Variants in ST6GAL2 observed in about 807,000 individuals in gnomAD.
ST6GAL2 encodes beta-galactoside alpha-2,6-sialyltransferase 2.
ST6GAL2 carries 24 observed loss-of-function variants against 37.5 expected under a neutral mutation model. The ratio of observed to expected loss-of-function variants is 0.64; its 90% CI spans 0.46 to 0.90. The LOEUF (loss-of-function observed/expected upper bound fraction) is 0.90, where lower values mean the gene tolerates loss of function less well. Among genes scored for constraint, ST6GAL2 ranks in the 40% least tolerant of loss-of-function variants. The pLI is 0.00. For missense variants in ST6GAL2, 715 were observed against 712.7 expected (o/e 1.00, Z -0.04); for synonymous variants, 306 against 295.1 (o/e 1.04, Z -0.38).
At chr2:106,873,719 C>T (rs1678378217) in intron 1 of ST6GAL2, among the ~76,000 whole-genome samples, 1 of 152,210 alleles carries the variant, frequency 6.6e-6, no homozygotes. Flanking sequence ...GTGAGATTCA[C>T]AAGTGGCACA....
chr2:106,811,457 C>A (rs1675607097), intron 5 of ST6GAL2, among the ~76,000 whole-genome samples: 1 of 152,062 alleles, frequency 6.6e-6, no homozygotes, highest in South Asian at 2.1e-4. Flanking sequence ...GAGGCCTCCT[C>A]AATTAAATTC....
At chr2:106,847,567 T>A (rs1340366316) in intron 1 of ST6GAL2, among the ~76,000 whole-genome samples, 1 of 152,148 alleles carries the variant, frequency 6.6e-6, no homozygotes, top group Non-Finnish European at 1.5e-5. Context: ...TGTGTGGATT[T>A]GCATGTAATT....
intron 5 of ST6GAL2, among the ~76,000 whole-genome samples, chr2:106,814,598 G>C (rs1214284547): frequency 6.6e-6 from 1 of 152,162 alleles, no homozygotes; most frequent in Non-Finnish European, 1.5e-5. Flanking sequence ...GTTGGGCAGA[G>C]GCCCTGGCTA....
intron 2 of ST6GAL2, among the ~76,000 whole-genome samples, chr2:106,842,717 G>T (rs1057252695): frequency 6.6e-6 from 1 of 152,112 alleles, no homozygotes; most frequent in African/African-American, 2.4e-5. Context: ...TGAGAAGGAC[G>T]CCGGGGGCAA....
intron 1 of ST6GAL2, among the ~76,000 whole-genome samples, chr2:106,867,670 TTTCA>T (rs1678090670): frequency 6.6e-6 from 1 of 152,170 alleles, no homozygotes. Context: ...AGGTCTAATC[TTTCA>T]GGGCACAGTG....
In ST6GAL2 at chr2:106,803,030, G is replaced by A. The variant is rs1675308829; in HGVS notation, c.*3648C>T. The stretch of plus-strand genomic sequence containing the variant: ...AACGGGACCTACCTAATTAATTCAG[G>A]AGATGTGTTACTGCTCAGAAGAGTC... On this transcript the variant is annotated 3_prime_UTR_variant, in exon 6 of 6. Coordinates refer to ENST00000409382, the MANE Select transcript of ST6GAL2 (RefSeq NM_001142351.2). The A allele has an allele frequency of 6.6e-6, 1 of 152,212 alleles. No homozygotes were observed. The highest frequency in any genetic ancestry group is 1.5e-5 in the Non-Finnish European group (1 of 68,058). The allele number at this position is 152,212 out of a possible 1,614,324, so 9.4% of individuals were successfully genotyped here. A position where few individuals can be genotyped will look rare whatever the true frequency, so the allele number is the denominator to read the frequency against.
intron 1 of ST6GAL2, among the ~76,000 whole-genome samples, chr2:106,847,991 C>T (rs890618842): frequency 1.6e-4 from 24 of 151,698 alleles, no homozygotes; most frequent in African/African-American, 5.3e-4. Context: ...CCCTGGATGC[C>T]GGGCAGCCCA....
chr2:106,850,370 G>A (rs1375735145), intron 1 of ST6GAL2, among the ~76,000 whole-genome samples: 1 of 152,166 alleles, frequency 6.6e-6, no homozygotes, highest in Non-Finnish European at 1.5e-5. Flanking sequence ...ATCTTTAAAG[G>A]AGTATTACAA....
intron 1 of ST6GAL2, among the ~76,000 whole-genome samples, chr2:106,851,494 C>T (rs1052650233): frequency 1.1e-4 from 16 of 152,146 alleles, no homozygotes; most frequent in South Asian, 2.1e-4. Context: ...GAAATGTAAA[C>T]GCTGCCACAG....
In ST6GAL2 at chr2:106,830,148, T is replaced by G. The variant is rs746461895; in HGVS notation, c.1236A>C (p.Lys412Asn). Residue 412 changes from lysine to asparagine, a missense_variant, in exon 5 of 6, where the codon AAA becomes AAC. Lys to Asn is a moderately conservative substitution (Grantham distance 94, BLOSUM62 0). Coordinates refer to ENST00000409382, the MANE Select transcript of ST6GAL2 (RefSeq NM_001142351.2). ...PNQPFYILHP[K>N]FIWQLWDIIQ... ...TAATATCCCAGAGCTGCCATATAAATTTAGGATGAAGAATGTAAAATGGCT... is the reference window on the plus strand; with the variant it reads ...TAATATCCCAGAGCTGCCATATAAAGTTAGGATGAAGAATGTAAAATGGCT... The G allele has an allele frequency of 2.1e-5, 34 of 1,613,824 alleles. No homozygotes were observed. In the African/African-American group the frequency reaches 4.4e-4, roughly 21 times the overall value.
At chr2:106,859,637 G>C (rs1371658898) in intron 1 of ST6GAL2, among the ~76,000 whole-genome samples, 1 of 152,012 alleles carries the variant, frequency 6.6e-6, no homozygotes, top group East Asian at 1.9e-4. Flanking sequence ...AGCAAACCCA[G>C]ATAACCCTAA....
chr2:106,867,805 G>C (rs1678098449), intron 1 of ST6GAL2, among the ~76,000 whole-genome samples: 1 of 152,126 alleles, frequency 6.6e-6, no homozygotes, highest in African/African-American at 2.4e-5. Context: ...AGAAGCAGCA[G>C]ATTAAAATTC....
intron 1 of ST6GAL2, among the ~76,000 whole-genome samples, chr2:106,881,127 AG>A (rs1678732805): frequency 6.6e-6 from 1 of 152,110 alleles, no homozygotes; most frequent in South Asian, 2.1e-4. Context: ...CTGGGACTAC[AG>A]GTGCATGCCC....
intron 2 of ST6GAL2, among the ~76,000 whole-genome samples, chr2:106,841,727 G>A (rs1216069175): frequency 6.6e-6 from 1 of 152,196 alleles, no homozygotes; most frequent in Non-Finnish European, 1.5e-5. Flanking sequence ...GATCCAGCGA[G>A]GAAGGGGAAT....
intron 1 of ST6GAL2, among the ~76,000 whole-genome samples, chr2:106,855,180 G>A (rs1367390644): frequency 1.3e-5 from 2 of 152,174 alleles, no homozygotes; most frequent in Non-Finnish European, 2.9e-5. Context: ...AAGCATGAAC[G>A]AAAGGATACT....
intron 5 of ST6GAL2, 52 bp downstream of exon 5, chr2:106,830,014 G>T: frequency 6.7e-7 from 1 of 1,502,848 alleles, no homozygotes. Flanking sequence ...TTAAATATTA[G>T]ATATCATCCT....
chr2:106,809,339 C>A (rs1675529106), intron 5 of ST6GAL2, among the ~76,000 whole-genome samples: 1 of 152,222 alleles, frequency 6.6e-6, no homozygotes, highest in Non-Finnish European at 1.5e-5. Flanking sequence ...GTGTCTTTTA[C>A]ACAAAGTCAC....
At chr2:106,842,244 T>C (rs1676914847) in intron 2 of ST6GAL2, among the ~76,000 whole-genome samples, 1 of 152,196 alleles carries the variant, frequency 6.6e-6, no homozygotes, top group Admixed American at 6.5e-5. Context: ...CATATCCTCC[T>C]GGTGTGAGTC....
intron 1 of ST6GAL2, among the ~76,000 whole-genome samples, chr2:106,870,741 C>T (rs899523573): frequency 1.3e-5 from 2 of 152,060 alleles, no homozygotes; most frequent in Admixed American, 1.3e-4. Flanking sequence ...CAGTCACAGA[C>T]CTTTCTAACC....
Sources: gnomAD v4.1 joint callset for allele counts (sites outside exome capture counted in the v4.1 genomes callset) on GRCh38, gnomAD v4.1.1 for gene constraint, MANE v1.5 for transcripts, NCBI Gene and HGNC (gene_info 2026-07-23, HGNC 2026-07-21) for gene names.